Variants in PEX13 observed in about 807,000 individuals in gnomAD.
The protein encoded by PEX13 is peroxisome biogenesis factor 13.
A neutral mutation model predicts 34.5 loss-of-function variants in PEX13; 28 were observed. The observed-to-expected ratio is 0.81, with a 90% CI of 0.60 to 1.11. The LOEUF (loss-of-function observed/expected upper bound fraction) is 1.11, where lower values mean the gene tolerates loss of function less well. Ranked by LOEUF, PEX13 falls within the 50% of genes most tolerant of loss-of-function variation. The probability of loss-of-function intolerance (pLI) is 0.00; values close to 1 mark genes in which losing one functional copy is unlikely to be tolerated. For missense variants in PEX13, 550 were observed against 491.0 expected (o/e 1.12, Z -1.13); for synonymous variants, 177 against 175.1 (o/e 1.01, Z -0.09).
rs534654939 is a variant in PEX13, at chr2:61,018,332, A to C, written c.92+481A>C. The C allele has an allele frequency of 3.9e-6, 6 of 1,530,668 alleles. No individual in the cohort carries two copies. The East Asian group carries it at 9.8e-5, about 25-fold the overall frequency. 94.8% of individuals were successfully genotyped at this position (1,530,668 alleles called of 1,614,324 possible). ...CGCAACAGGAACTCAAGCCCCGTAC[A>C]CTTTGCATTCTTTTCCAGCATAACT... is the stretch of plus-strand genomic sequence containing the variant. On this transcript the variant is annotated intron_variant, in intron 1 of 3. Transcript: ENST00000295030.
Position 61,028,599 on chromosome 2 carries a change from C to T in PEX13, c.93-2820C>T, listed in dbSNP as rs34213074. ...ACGGGGTTTCACCATGTTGGCCAGGCTGGTCTCGAACTCCTAACCTGAGGG... is the reference window on the plus strand; with the variant it reads ...ACGGGGTTTCACCATGTTGGCCAGGTTGGTCTCGAACTCCTAACCTGAGGG... On this transcript the variant is annotated intron_variant, in intron 1 of 3. Coordinates refer to ENST00000295030, the MANE Select transcript of PEX13 (RefSeq NM_002618.4). Among the ~76,000 whole-genome samples the T allele has an allele frequency of 3.7e-3, 559 of 151,688 alleles. 5 individuals carry two copies. The highest frequency in any genetic ancestry group is 0.013 in the African/African-American group (532 of 41,378).
At chr2:61,024,972 AAC>A (rs1280773483) in intron 1 of PEX13, among the ~76,000 whole-genome samples, 1 of 152,194 alleles carries the variant, frequency 6.6e-6, no homozygotes, top group Non-Finnish European at 1.5e-5. Context: ...GAATATATTC[AAC>A]ACAGTTGTTT....
chr2:61,027,348 A>T (rs867794512), intron 1 of PEX13, among the ~76,000 whole-genome samples: 1 of 151,000 alleles, frequency 6.6e-6, no homozygotes, highest in Non-Finnish European at 1.5e-5. Context: ...CAAAAAAAAA[A>T]AAAACAAAAC....
chr2:61,032,822 G>C (rs1680474270), intron 2 of PEX13, among the ~76,000 whole-genome samples: 1 of 152,144 alleles, frequency 6.6e-6, no homozygotes, highest in Admixed American at 6.5e-5. Context: ...TCAAAAGTTA[G>C]ATAAAGAAAC....
At chr2:61,017,943 C>A in intron 1 of PEX13, 92 bp downstream of exon 1, 1 of 1,392,336 alleles carries the variant, frequency 7.2e-7, no homozygotes. Flanking sequence ...GGAGGTATTC[C>A]CTTCCCCCCT....
chr2:61,032,712 G>A (rs1299527108), intron 2 of PEX13, among the ~76,000 whole-genome samples: 1 of 152,202 alleles, frequency 6.6e-6, no homozygotes, highest in Non-Finnish European at 1.5e-5. Flanking sequence ...AACTAGTAGA[G>A]AGTATTAGCT....
chr2:61,034,532 CAG>C (rs987114684), intron 2 of PEX13, among the ~76,000 whole-genome samples: 3 of 152,298 alleles, frequency 2.0e-5, no homozygotes, highest in African/African-American at 7.2e-5. Context: ...CACAAGGGGT[CAG>C]GGGATTTCCC....
At chr2:61,023,431 A>T (rs77762111) in intron 1 of PEX13, among the ~76,000 whole-genome samples, 8 of 147,886 alleles carry the variant, frequency 5.4e-5, no homozygotes, top group Non-Finnish European at 1.2e-4. Flanking sequence ...ACACACACAT[A>T]TTTTTTTTTT....
chr2:61,040,129 A>G (rs1274266315), intron 2 of PEX13, among the ~76,000 whole-genome samples: 4 of 152,158 alleles, frequency 2.6e-5, no homozygotes, highest in Non-Finnish European at 5.9e-5. Context: ...ATGCTTTTAC[A>G]CTGTTGGTGG....
chr2:61,045,223 A>G (rs1680687146), intron 2 of PEX13, among the ~76,000 whole-genome samples: 1 of 152,250 alleles, frequency 6.6e-6, no homozygotes, highest in Non-Finnish European at 1.5e-5. Context: ...TTTATTACAA[A>G]TTAGAATTAG....
chr2:61,044,201 C>T (rs1252149569), intron 2 of PEX13, among the ~76,000 whole-genome samples: 1 of 152,090 alleles, frequency 6.6e-6, no homozygotes, highest in African/African-American at 2.4e-5. Context: ...CCTGCCTTAG[C>T]GTCCCAAAGT....
chr2:61,031,195 G>T (rs1223382952), intron 1 of PEX13, among the ~76,000 whole-genome samples: 2 of 152,178 alleles, frequency 1.3e-5, no homozygotes, highest in Non-Finnish European at 2.9e-5. Flanking sequence ...GGAGGCTGAG[G>T]TGGGAGGATC....
intron 2 of PEX13, among the ~76,000 whole-genome samples, chr2:61,044,010 C>T (rs994665098): frequency 4.0e-5 from 6 of 151,740 alleles, no homozygotes; most frequent in Non-Finnish European, 7.4e-5. Context: ...AGTGCAGTAG[C>T]GTGATCATAG....
chr2:61,026,738 A>G (rs1290905170), intron 1 of PEX13, among the ~76,000 whole-genome samples: 4 of 151,964 alleles, frequency 2.6e-5, no homozygotes, highest in African/African-American at 9.7e-5. Flanking sequence ...ATATTATTTC[A>G]TTTCTCTCTC....
At chr2:61,029,774 A>G (rs2104801977) in intron 1 of PEX13, among the ~76,000 whole-genome samples, 1 of 151,852 alleles carries the variant, frequency 6.6e-6, no homozygotes, top group East Asian at 1.9e-4. Context: ...ATCATGCCAC[A>G]ACACTCTAGC....
chr2:61,024,582 C>T (rs536462381), intron 1 of PEX13, among the ~76,000 whole-genome samples: 14 of 152,086 alleles, frequency 9.2e-5, no homozygotes, highest in Non-Finnish European at 1.6e-4. Context: ...GGCCGAGGCG[C>T]GTGGATCACG....
intron 1 of PEX13, among the ~76,000 whole-genome samples, chr2:61,027,651 C>G (rs1680382530): frequency 6.6e-6 from 1 of 152,212 alleles, no homozygotes; most frequent in African/African-American, 2.4e-5. Flanking sequence ...TGCCTGATTA[C>G]AGAACCAGAA....
At chr2:61,029,598 T>G (rs1680417042) in intron 1 of PEX13, among the ~76,000 whole-genome samples, 1 of 152,188 alleles carries the variant, frequency 6.6e-6, no homozygotes, top group Non-Finnish European at 1.5e-5. Context: ...GCAATAAAAA[T>G]TAATGAAATA....
intron 1 of PEX13, chr2:61,018,271 C>G: frequency 6.4e-7 from 1 of 1,550,884 alleles, no homozygotes; most frequent in Non-Finnish European, 8.7e-7. Context: ...AAGGTGTTAA[C>G]CTCTCGAGAA....
Sources: gnomAD v4.1 joint callset for allele counts (sites outside exome capture counted in the v4.1 genomes callset) on GRCh38, gnomAD v4.1.1 for gene constraint, MANE v1.5 for transcripts, NCBI Gene and HGNC (gene_info 2026-07-23, HGNC 2026-07-21) for gene names.